SYT3: variants seen among roughly 807,000 people sequenced by gnomAD.
The protein encoded by SYT3 is synaptotagmin 3, also known as synaptotagmin-3.
In SYT3, 25 loss-of-function variants were observed where a neutral mutation model predicts 50.6. The observed-to-expected ratio is 0.49, with a 90% CI of 0.36 to 0.69. The LOEUF (loss-of-function observed/expected upper bound fraction) is 0.69. Ranked by LOEUF, SYT3 falls within the 30% of genes least tolerant of loss-of-function variation. The pLI is 0.00. For synonymous variants in SYT3, 323 were observed against 353.9 expected (o/e 0.91, Z 0.98); for missense variants, 589 against 793.6 (o/e 0.74, Z 3.10).
At chr19:50,627,100 G>A (rs1984099660) in intron 6 of SYT3, among the ~76,000 whole-genome samples, 1 of 152,196 alleles carries the variant, frequency 6.6e-6, no homozygotes, top group Admixed American at 6.5e-5. Flanking sequence ...CACACAGGCT[G>A]GAGCCACGCT....
At chr19:50,651,910 T>C in the SYT3 span, among the ~76,000 whole-genome samples, 3 of 152,224 alleles carry the variant, frequency 2.0e-5, no homozygotes, top group African/African-American at 7.2e-5. Context: ...GTATTCACAT[T>C]TTTTCACATG....
the SYT3 span, among the ~76,000 whole-genome samples, chr19:50,652,680 C>T: frequency 1.3e-5 from 2 of 152,132 alleles, no homozygotes; most frequent in Non-Finnish European, 2.9e-5. Flanking sequence ...GTCTTATGGT[C>T]ACTGGAAGGA....
rs772331102 is a variant in SYT3 at position 50,629,941 on chromosome 19, C to A, written c.905G>T (p.Arg302Leu). 3 of 1,613,844 alleles carry A rather than the reference C, an allele frequency of 1.9e-6. No homozygotes were observed. The highest frequency in any genetic ancestry group is 2.2e-5 in the East Asian group (1 of 44,878). ...GEAGTGAPCG[R>L]ISFALRYLYG... is the part of the protein sequence containing the mutation. ...GAGGTACCGCAGGGCGAAGCTGATA[C>A]GGCCACAGGGTGCCCCTGTGCCTGC... Residue 302 changes from arginine (R) to leucine (L), a missense_variant, in exon 5 of 11, where the codon CGT becomes CTT. This residue lies in a region of SYT3 where 273 missense variants were observed against 439.3 expected (regional missense o/e 0.62). Transcript: ENST00000600079.
In SYT3 at chr19:50,627,578, G is replaced by A. The variant is rs181783924; in HGVS notation, c.1282-1561C>T. Among the ~76,000 whole-genome samples the A allele has an allele frequency of 3.0e-3, 462 of 152,174 alleles. 2 individuals carry two copies. The highest frequency in any genetic ancestry group is 0.011 in the African/African-American group (442 of 41,512). On this transcript the variant is annotated intron_variant, in intron 6 of 10. Transcript: ENST00000600079. ...TCTACTAAAAATACAAAAATTAGCCGGGCATGGTGGCAGGTGCCTGTAATC... is the reference window on the plus strand; with the variant it reads ...TCTACTAAAAATACAAAAATTAGCCAGGCATGGTGGCAGGTGCCTGTAATC...
chr19:50,644,593 C>T (rs76163732), upstream of SYT3, among the ~76,000 whole-genome samples: 25 of 148,508 alleles, frequency 1.7e-4, no homozygotes, highest in East Asian at 6.1e-4. Flanking sequence ...CAGAAATAGA[C>T]GAAGGGATGA....
chr19:50,647,083 G>A, the SYT3 span, among the ~76,000 whole-genome samples: 2 of 152,212 alleles, frequency 1.3e-5, no homozygotes, highest in Admixed American at 6.5e-5. Context: ...GCCCGTCTCG[G>A]CCTCCCAAAC....
Position 50,625,753 on chromosome 19 carries a change from CTGG to C in SYT3, c.1402+141_1402+143del. 20 of 956,724 alleles carry C rather than the reference CTGG, an allele frequency of 2.1e-5. 1 individual carries two copies. Among genetic ancestry groups the C allele is most frequent in the Admixed American group, 5.6e-5 (2 of 35,812 alleles). 59.3% of individuals were successfully genotyped at this position (956,724 alleles called of 1,614,324 possible). On this transcript the variant is annotated intron_variant, in intron 7 of 10. Transcript: ENST00000600079. The surrounding 1 kb of genome is among the most constrained non-coding windows in gnomAD (Gnocchi z 7.5). ...CTCTCCGACCCAGGAGTCCAGGCCCCTGGCCCCTCCTCCCTCAGACCCAGGAGT... is the reference window on the plus strand; with the variant it reads ...CTCTCCGACCCAGGAGTCCAGGCCCCCCCCTCCTCCCTCAGACCCAGGAGT...
chr19:50,652,251 C>T, the SYT3 span, among the ~76,000 whole-genome samples: 5 of 152,018 alleles, frequency 3.3e-5, no homozygotes, highest in South Asian at 2.1e-4. Flanking sequence ...AAATTAGGGC[C>T]CAAACAAAGT....
At chr19:50,636,811 C>A (rs555289609) in intron 3 of SYT3, among the ~76,000 whole-genome samples, 1 of 152,208 alleles carries the variant, frequency 6.6e-6, no homozygotes, top group African/African-American at 2.4e-5. Context: ...CTAAGTTCTT[C>A]GTAGGTGTTA....
At chr19:50,633,059 G>C (rs1984376987) in intron 3 of SYT3, among the ~76,000 whole-genome samples, 1 of 152,152 alleles carries the variant, frequency 6.6e-6, no homozygotes, top group African/African-American at 2.4e-5. Context: ...ACAGCTCACT[G>C]CACCCTCGAA....
At chr19:50,645,991 A>G in the SYT3 span, among the ~76,000 whole-genome samples, 1 of 152,164 alleles carries the variant, frequency 6.6e-6, no homozygotes, top group African/African-American at 2.4e-5. Context: ...CAGAGAGCAA[A>G]TGGAGGCACA....
chr19:50,623,836 TA>T (rs932717945), intron 9 of SYT3, among the ~76,000 whole-genome samples: 3 of 150,798 alleles, frequency 2.0e-5, no homozygotes. Flanking sequence ...TGCAAGATTT[TA>T]AAAAAAATCA....
chr19:50,637,918 A>G lies in SYT3; in HGVS notation c.-15-492T>C, dbSNP rs73592647. ...CCAGCCATTCATCATTCATTCATTC[A>G]ACAAACATCCATCCAGCACCAACTA... is the stretch of plus-strand genomic sequence containing the variant. On this transcript the variant is annotated intron_variant, in intron 2 of 10. Transcript: ENST00000600079. The surrounding 1 kb of genome is among the most constrained non-coding windows in gnomAD (Gnocchi z 4.9). 1,493 of 154,412 alleles carry G rather than the reference A, an allele frequency of 9.7e-3. 25 individuals are homozygous for G. The highest frequency in any genetic ancestry group is 0.034 in the African/African-American group (1,431 of 41,610). 9.6% of individuals were successfully genotyped at this position (154,412 alleles called of 1,614,324 possible). A position where few individuals can be genotyped will look rare whatever the true frequency, so the allele number is the denominator to read the frequency against.
rs1408316117 is a variant in SYT3, at chr19:50,625,234, G to A, written c.1635C>T (p.His545=). Residue 545 remains histidine (H), a synonymous_variant, in exon 9 of 11, where the codon CAC becomes CAT. Transcript: ENST00000600079. The surrounding 1 kb of genome is among the most constrained non-coding windows in gnomAD (Gnocchi z 7.5). ...CRVGPDAADP[H]GREHWAEMLA... ...GCATCTCTGCCCAGTGCTCGCGGCC[G>A]TGCGGGTCGGCAGCGTCGGGGCCCA... 15 of 1,582,734 alleles carry A rather than the reference G, an allele frequency of 9.5e-6. No homozygotes were observed. In the East Asian group the frequency reaches 1.1e-4, roughly 12 times the overall value.
chr19:50,641,390 C>T (rs140694704), upstream of SYT3, among the ~76,000 whole-genome samples: 21,338 of 150,000 alleles, frequency 0.14, 1,715 homozygotes, highest in Non-Finnish European at 0.18. Flanking sequence ...ACCGTGGTCT[C>T]GATCTCCTGA....
chr19:50,652,935 G>T, the SYT3 span, among the ~76,000 whole-genome samples: 2 of 152,074 alleles, frequency 1.3e-5, no homozygotes, highest in African/African-American at 4.8e-5. Flanking sequence ...TGTGACTTTG[G>T]GCAAGTCACT....
chr19:50,652,435 A>G, the SYT3 span, among the ~76,000 whole-genome samples: 2 of 152,206 alleles, frequency 1.3e-5, no homozygotes, highest in Non-Finnish European at 1.5e-5. Flanking sequence ...CAATACTATG[A>G]GTACAAACAT....
intron 6 of SYT3, among the ~76,000 whole-genome samples, chr19:50,628,107 A>G (rs1984142998): frequency 1.3e-5 from 2 of 152,366 alleles, no homozygotes; most frequent in South Asian, 4.1e-4. Flanking sequence ...GGCTCAGAAA[A>G]GGAAAGAACC....
At chr19:50,651,056 G>T in the SYT3 span, among the ~76,000 whole-genome samples, 1 of 152,200 alleles carries the variant, frequency 6.6e-6, no homozygotes, top group Non-Finnish European at 1.5e-5. Flanking sequence ...TGATCAGGTT[G>T]CAAACTTCAG....
Sources: gnomAD v4.1 joint callset for allele counts (sites outside exome capture counted in the v4.1 genomes callset) on GRCh38, gnomAD v4.1.1 for gene constraint, gnomAD v4.1.1 regional missense constraint, Gnocchi (gnomAD v3.1) non-coding constraint, MANE v1.5 for transcripts, NCBI Gene and HGNC (gene_info 2026-07-23, HGNC 2026-07-21) for gene names.